The following ZNF546 variants were observed in gnomAD, a reference collection of about 807,000 sequenced individuals.
ZNF546 encodes CTC-471F3.6.
In ZNF546, 60 loss-of-function variants were observed where a neutral mutation model predicts 76.2. The ratio of observed to expected loss-of-function variants is 0.79; its 90% CI spans 0.64 to 0.98. The LOEUF is 0.98. Among genes scored for constraint, ZNF546 ranks in the 50% least tolerant of loss-of-function variants. The pLI is 0.00. For synonymous variants in ZNF546, 277 were observed against 328.1 expected (o/e 0.84, Z 1.68); for missense variants, 936 against 1,035.6 (o/e 0.90, Z 1.32).
chr19:39,999,311 G>A (rs765625599), intron 3 of ZNF546, among the ~76,000 whole-genome samples: 1 of 152,176 alleles, frequency 6.6e-6, no homozygotes, highest in Non-Finnish European at 1.5e-5. Context: ...GAAGAAGAAT[G>A]TTCAAGAACT....
At chr19:40,000,405 A>C (rs1971513053) in intron 3 of ZNF546, among the ~76,000 whole-genome samples, 1 of 152,058 alleles carries the variant, frequency 6.6e-6, no homozygotes, top group Non-Finnish European at 1.5e-5. Context: ...CAGGTGGATC[A>C]CGAGGTCAGG....
At chr19:40,004,251 G>C (rs547382308) in intron 3 of ZNF546, among the ~76,000 whole-genome samples, 27 of 151,044 alleles carry the variant, frequency 1.8e-4, no homozygotes, top group African/African-American at 6.3e-4. Context: ...TATGTATGCC[G>C]GTGTGTATAT....
intron 5 of ZNF546, among the ~76,000 whole-genome samples, chr19:40,007,921 G>A (rs1311880271): frequency 6.6e-6 from 1 of 152,156 alleles, no homozygotes; most frequent in East Asian, 1.9e-4. Flanking sequence ...GACATTTTCT[G>A]TTGAAGGAAT....
intron 6 of ZNF546, among the ~76,000 whole-genome samples, chr19:40,013,245 C>A (rs1319759820): frequency 6.6e-6 from 1 of 152,172 alleles, no homozygotes; most frequent in African/African-American, 2.4e-5. Context: ...AGCTCACTGC[C>A]TGTTTTTGCA....
At chr19:40,013,643 T>TG in intron 6 of ZNF546, 22 bp from the exon 7 acceptor site, 1 of 1,033,002 alleles carries the variant, frequency 9.7e-7, no homozygotes, top group Non-Finnish European at 1.3e-6. Context: ...CTCTTTGCTT[T>TG]TTTTTTTTTT....
At position 39,998,405 on chromosome 19, in the gene ZNF546, A is replaced by T. The variant is rs376089251; in HGVS notation, c.79A>T (p.Ile27Leu). ...FQIIPLHSLSIMPRFLWILCF... is the reference protein window; with the variant it reads ...FQIIPLHSLSLMPRFLWILCF... The stretch of plus-strand genomic sequence containing the variant: ...AATCATTCCTCTGCACTCACTTTCT[A>T]TAATGGTAGAGAAATGCATATCCTG... The change falls in exon 3 of 7, where the codon ATA becomes TTA. Residue 27 changes from isoleucine (I) to leucine (L), a missense_variant. Coordinates refer to ENST00000347077, the MANE Select transcript of ZNF546 (RefSeq NM_178544.5). 1.2e-5 allele frequency: 19 copies of T among 1,613,108 alleles called. No homozygotes were observed. The highest frequency in any genetic ancestry group is 1.4e-5 in the Non-Finnish European group (17 of 1,179,192).
chr19:40,015,003 A>G lies in ZNF546; in HGVS notation c.1733A>G (p.Glu578Gly), dbSNP rs1971737717. 6.2e-7 allele frequency: 1 copy of G among 1,614,026 alleles called. No homozygotes were observed. The highest frequency in any genetic ancestry group is 8.5e-7 in the Non-Finnish European group (1 of 1,179,994). Residue 578 changes from glutamate to glycine, a missense_variant, in exon 7 of 7, where the codon GAG becomes GGG. Transcript: ENST00000347077. ...FISHQRIHTS[E>G]STYICKECGK... The stretch of plus-strand genomic sequence containing the variant: ...TCACACCAGCGAATTCACACCAGTG[A>G]GAGCACCTACATATGTAAAGAATGT...
chr19:40,007,420 C>T lies in ZNF546; in HGVS notation c.298+20C>T, dbSNP rs530167150. 5.9e-5 allele frequency: 92 copies of T among 1,567,876 alleles called. 1 individual carries two copies. The South Asian group carries it at 1.0e-3, about 18-fold the overall frequency. ...CACTGGGTAAGGTATCTTTCGAAAT[C>T]GTTTACAATCTGTTTTCTGGAGTAT... On this transcript the variant is annotated intron_variant, in intron 5 of 6. Coordinates refer to ENST00000347077, the MANE Select transcript of ZNF546 (RefSeq NM_178544.5).
At chr19:40,004,424 C>T (rs1568384734) in intron 3 of ZNF546, among the ~76,000 whole-genome samples, 1 of 151,854 alleles carries the variant, frequency 6.6e-6, no homozygotes, top group South Asian at 2.1e-4. Flanking sequence ...TGTGCCACCA[C>T]ACCCAGCTAA....
intron 6 of ZNF546, among the ~76,000 whole-genome samples, chr19:40,013,145 C>G (rs1971693422): frequency 6.6e-6 from 1 of 152,116 alleles, no homozygotes; most frequent in Non-Finnish European, 1.5e-5. Flanking sequence ...ACATCATTTT[C>G]TGAGGTATTT....
Position 40,018,091 on chromosome 19 carries a change from C to T in ZNF546, c.*2310C>T, listed in dbSNP as rs1971801650. ...CGGGTTCAGGCAATTCTGCCTCAGCCTCCCCAGTAGCTGGGACTACAGGCG... is the reference window on the plus strand; with the variant it reads ...CGGGTTCAGGCAATTCTGCCTCAGCTTCCCCAGTAGCTGGGACTACAGGCG... On this transcript the variant is annotated 3_prime_UTR_variant, in exon 7 of 7. Coordinates refer to ENST00000347077, the MANE Select transcript of ZNF546 (RefSeq NM_178544.5). 1 of 151,072 alleles carries T rather than the reference C, an allele frequency of 6.6e-6. No individual in the cohort carries two copies. Among genetic ancestry groups the T allele is most frequent in the African/African-American group, 2.4e-5 (1 of 40,934 alleles). 9.4% of individuals were successfully genotyped at this position (151,072 alleles called of 1,614,324 possible). A position where few individuals can be genotyped will look rare whatever the true frequency, so the allele number is the denominator to read the frequency against.
rs1971791231 is a variant in ZNF546, at chr19:40,017,686, T to C, written c.*1905T>C. 6.6e-6 allele frequency: 1 copy of C among 152,170 alleles called. No individual in the cohort carries two copies. The highest frequency in any genetic ancestry group is 2.4e-5 in the African/African-American group (1 of 41,432). The allele number at this position is 152,170 out of a possible 1,614,324, so 9.4% of individuals were successfully genotyped here. A position where few individuals can be genotyped will look rare whatever the true frequency, so the allele number is the denominator to read the frequency against. ...CGCCATTGTTAGCACATTTTATGTG[T>C]AGCCCAAGATAATTCTTCTTCCAGT... On this transcript the variant is annotated 3_prime_UTR_variant, in exon 7 of 7. Coordinates refer to ENST00000347077, the MANE Select transcript of ZNF546 (RefSeq NM_178544.5).
intron 6 of ZNF546, among the ~76,000 whole-genome samples, chr19:40,011,597 A>G (rs566948267): frequency 6.6e-6 from 1 of 152,352 alleles, no homozygotes; most frequent in Non-Finnish European, 1.5e-5. Context: ...AGAAACTTTA[A>G]GATAAGGGAA....
chr19:40,015,023 G>A lies in ZNF546; in HGVS notation c.1753G>A (p.Glu585Lys), dbSNP rs753630526. ...HTSESTYICK[E>K]CGKIFSRRYN... ...CAGTGAGAGCACCTACATATGTAAA[G>A]AATGTGGGAAGATTTTTAGTCGTCG... Residue 585 changes from glutamate to lysine, a missense_variant, in exon 7 of 7, where the codon GAA (glutamate) becomes AAA (lysine). Transcript: ENST00000347077. 3 of 1,614,120 alleles carry A rather than the reference G, an allele frequency of 1.9e-6. No individual in the cohort carries two copies. In the South Asian group the frequency reaches 3.3e-5, roughly 18 times the overall value.
At position 40,019,599 on chromosome 19, in the gene ZNF546, A is replaced by C. The variant is rs560957388; in HGVS notation, c.*3818A>C. 1.8e-4 allele frequency: 28 copies of C among 152,304 alleles called. No individual in the cohort carries two copies. Among genetic ancestry groups the C allele is most frequent in the African/African-American group, 6.5e-4 (27 of 41,574 alleles). The allele number at this position is 152,304 out of a possible 1,614,324, so 9.4% of individuals were successfully genotyped here. A position where few individuals can be genotyped will look rare whatever the true frequency, so the allele number is the denominator to read the frequency against. On this transcript the variant is annotated 3_prime_UTR_variant, in exon 7 of 7. Transcript: ENST00000347077. ...GTTTTATTGAAAATTTCAAGGAGGA[A>C]GTAATATCAAAATTTCACTAGCTCT...
chr19:39,998,147 A>C, intron 2 of ZNF546, 101 bp from the exon 3 acceptor site: 1 of 574,464 alleles, frequency 1.7e-6, no homozygotes, highest in Non-Finnish European at 3.1e-6. Flanking sequence ...CATTTGATTC[A>C]ATCTAAAAAG....
rs1424816472 is a variant in ZNF546, at chr19:40,019,386, TAA to T, written c.*3606_*3607del. The T allele has an allele frequency of 6.6e-6, 1 of 152,068 alleles. No homozygotes were observed. The highest frequency in any genetic ancestry group is 1.5e-5 in the Non-Finnish European group (1 of 67,982). 9.4% of individuals were successfully genotyped at this position (152,068 alleles called of 1,614,324 possible). On this transcript the variant is annotated 3_prime_UTR_variant, in exon 7 of 7. Coordinates refer to ENST00000347077, the MANE Select transcript of ZNF546 (RefSeq NM_178544.5). ...TAAACTCAAGAAACTAAGGGAAAAATAAGTCAATATAAGAAAGAAGGGAGGAT... is the reference window on the plus strand; with the variant it reads ...TAAACTCAAGAAACTAAGGGAAAAATGTCAATATAAGAAAGAAGGGAGGAT...
chr19:40,010,924 C>T (rs1485566490), intron 6 of ZNF546, among the ~76,000 whole-genome samples: 2 of 152,102 alleles, frequency 1.3e-5, no homozygotes, highest in East Asian at 3.9e-4. Flanking sequence ...CTCAGATCCA[C>T]CTGCCTCAGC....
At chr19:40,003,718 A>G (rs185152360) in intron 3 of ZNF546, among the ~76,000 whole-genome samples, 2 of 152,322 alleles carry the variant, frequency 1.3e-5, no homozygotes, top group Admixed American at 1.3e-4. Context: ...CAGTAAAAAT[A>G]TAACAGCTGT....
Sources: gnomAD v4.1 joint callset for allele counts (sites outside exome capture counted in the v4.1 genomes callset) on GRCh38, gnomAD v4.1.1 for gene constraint, MANE v1.5 for transcripts, NCBI Gene and HGNC (gene_info 2026-07-23, HGNC 2026-07-21) for gene names.